Variants in PLEKHG4B observed in about 807,000 individuals in gnomAD.
The protein encoded by PLEKHG4B is pleckstrin homology and RhoGEF domain containing G4B.
PLEKHG4B carries 111 observed loss-of-function variants against 121.3 expected under a neutral mutation model. The ratio of observed to expected loss-of-function variants is 0.92; its 90% CI spans 0.78 to 1.07. The LOEUF is 1.07. PLEKHG4B is among the 50% of genes least tolerant of loss of function. The pLI, the probability that PLEKHG4B is intolerant of heterozygous loss-of-function variation, is 0.00. For synonymous variants in PLEKHG4B, 738 were observed against 725.0 expected (o/e 1.02, Z -0.29); for missense variants, 1,831 against 1,757.8 (o/e 1.04, Z -0.74).
In PLEKHG4B at chr5:140,507, G is replaced by A. The variant is rs151163016; in HGVS notation, c.1268G>A (p.Arg423Gln). 6.0e-4 allele frequency: 962 copies of A among 1,596,782 alleles called. 3 individuals carry two copies. The highest frequency in any genetic ancestry group is 7.7e-4 in the Non-Finnish European group (906 of 1,172,198). The change falls in exon 3 of 20, where the codon CGG becomes CAG. Residue 423 changes from arginine (R) to glutamine (Q), a missense_variant. Coordinates refer to ENST00000637938, the MANE Select transcript of PLEKHG4B (RefSeq NM_052909.5). Reference sequence around the variant, plus strand: ...GAGAAGGAGAGGCACACACCCAGCCGGACAGGTCCAGGAGCTGCAGGGCGG... The same window carrying A: ...GAGAAGGAGAGGCACACACCCAGCCAGACAGGTCCAGGAGCTGCAGGGCGG... ...SLEKERHTPS[R>Q]TGPGAAGRTL...
intron 11 of PLEKHG4B, among the ~76,000 whole-genome samples, chr5:160,073 T>C (rs1735941625): frequency 6.6e-6 from 1 of 152,234 alleles, no homozygotes. Context: ...CTGCTATGTA[T>C]AGGTGCACGT....
At chr5:98,743 G>T (rs1733703760) in intron 1 of PLEKHG4B, among the ~76,000 whole-genome samples, 1 of 147,672 alleles carries the variant, frequency 6.8e-6, no homozygotes, top group South Asian at 2.2e-4. Context: ...AAAGTGCTGG[G>T]ATTACAGGCG....
At chr5:162,161 A>G (rs1736031677) in intron 12 of PLEKHG4B, among the ~76,000 whole-genome samples, 1 of 152,356 alleles carries the variant, frequency 6.6e-6, no homozygotes, top group Middle Eastern at 3.4e-3. Context: ...CAGACCAGCC[A>G]AACGAACACA....
chr5:99,027 G>GCA (rs1482854216), intron 1 of PLEKHG4B, among the ~76,000 whole-genome samples: 2 of 145,608 alleles, frequency 1.4e-5, no homozygotes, highest in Admixed American at 6.8e-5. Context: ...GTGGTGCTGT[G>GCA]CACCTGTAAT....
At chr5:160,695 A>G (rs535362712) in intron 11 of PLEKHG4B, among the ~76,000 whole-genome samples, 2 of 152,208 alleles carry the variant, frequency 1.3e-5, no homozygotes, top group Admixed American at 1.3e-4. Context: ...TTTCTACCTT[A>G]AGTTATAGAA....
rs149661863 is a variant in PLEKHG4B, at chr5:143,418, C to T, written c.1726C>T (p.Arg576Cys). 72 of 1,612,870 alleles carry T rather than the reference C, an allele frequency of 4.5e-5. No homozygotes were observed. Among genetic ancestry groups the T allele is most frequent in the Admixed American group, 6.7e-5 (4 of 60,032 alleles). ...TCATGGCAGAGCAGTGGTGCAGGTC[C>T]GCACCAGGAGCCTGCTCTGGACCAG... ...DRHGRAVVQV[R>C]TRSLLWTREH... is the part of the protein sequence containing the mutation. Residue 576 changes from arginine (R) to cysteine (C), a missense_variant, in exon 5 of 20, where the codon CGC becomes TGC. By Grantham distance (180) the Arg-to-Cys change is radical (BLOSUM62 -3). Transcript: ENST00000637938.
chr5:101,941 GGA>G (rs1733830056), intron 1 of PLEKHG4B, among the ~76,000 whole-genome samples: 1 of 88,854 alleles, frequency 1.1e-5, no homozygotes, highest in Non-Finnish European at 2.1e-5. Context: ...AGTCTATAGG[GGA>G]GAGACTGTTG....
At position 169,479 on chromosome 5, in the gene PLEKHG4B, G is replaced by A. The variant is rs534776089; in HGVS notation, c.3616G>A (p.Val1206Ile). ...LPQGLRGKHH[V>I]IFGNLEKLHD... is the part of the protein sequence containing the mutation. ...CCAGGGCCTTCGAGGGAAGCACCAC[G>A]TTATTTTCGGCAACTTGGAGAAGCT... The change falls in exon 14 of 20, where the codon GTT becomes ATT. Residue 1206 changes from valine (V) to isoleucine (I), a missense_variant. Val to Ile is a conservative substitution (Grantham distance 29, BLOSUM62 3). Transcript: ENST00000637938. The A allele has an allele frequency of 4.3e-6, 7 of 1,614,244 alleles. No homozygotes were observed. In the South Asian group the frequency reaches 4.4e-5, roughly 10 times the overall value.
intron 18 of PLEKHG4B, among the ~76,000 whole-genome samples, chr5:180,516 C>T (rs1736898625): frequency 6.6e-6 from 1 of 152,236 alleles, no homozygotes; most frequent in Non-Finnish European, 1.5e-5. Flanking sequence ...TGTCAAGTTT[C>T]CAGTGGCCTG....
chr5:117,731 TA>T (rs1393392054), intron 2 of PLEKHG4B, among the ~76,000 whole-genome samples: 1 of 152,126 alleles, frequency 6.6e-6, no homozygotes, highest in Non-Finnish European at 1.5e-5. Context: ...CAGGTGCCTG[TA>T]GTCCCAGCTA....
chr5:129,283 A>G (rs1030471579), intron 2 of PLEKHG4B, among the ~76,000 whole-genome samples: 1 of 152,174 alleles, frequency 6.6e-6, no homozygotes, highest in Non-Finnish European at 1.5e-5. Flanking sequence ...AGCTTCATCT[A>G]CAGAACAAGA....
At position 184,126 on chromosome 5, in the gene PLEKHG4B, A is replaced by C. The variant is rs1733539391; in HGVS notation, c.*1803A>C. 2 of 152,168 alleles carry C rather than the reference A, an allele frequency of 1.3e-5. No individual in the cohort carries two copies. Among genetic ancestry groups the C allele is most frequent in the Admixed American group, 6.5e-5 (1 of 15,272 alleles). 9.4% of individuals were successfully genotyped at this position (152,168 alleles called of 1,614,324 possible). On this transcript the variant is annotated 3_prime_UTR_variant, in exon 20 of 20. Transcript: ENST00000637938. ...AGGCCATCCACAAGCTGGAGACCCA[A>C]GGAAGCTGCTAGTGTGCCCAGTCCG... is the stretch of plus-strand genomic sequence containing the variant.
At chr5:155,072 A>G (rs1735728473) in intron 8 of PLEKHG4B, 81 bp downstream of exon 8, 1 of 1,223,300 alleles carries the variant, frequency 8.2e-7, no homozygotes, top group Admixed American at 1.7e-5. Flanking sequence ...TAGAATTTGA[A>G]AAGGGCATCA....
chr5:168,611 C>A (rs970407580), intron 13 of PLEKHG4B, among the ~76,000 whole-genome samples: 1 of 152,176 alleles, frequency 6.6e-6, no homozygotes, highest in Non-Finnish European at 1.5e-5. Flanking sequence ...GAACGAGAAA[C>A]CTTATGTTCA....
intron 1 of PLEKHG4B, among the ~76,000 whole-genome samples, chr5:107,395 A>G (rs542089866): frequency 6.6e-6 from 1 of 152,330 alleles, no homozygotes; most frequent in East Asian, 1.9e-4. Flanking sequence ...TGTAAGTTGC[A>G]CGACGTTGCC....
rs1735766758 is a variant in PLEKHG4B, at chr5:156,049, T to A, written c.2209-22T>A. 2 of 1,553,762 alleles carry A rather than the reference T, an allele frequency of 1.3e-6. No homozygotes were observed. Among genetic ancestry groups the A allele is most frequent in the Non-Finnish European group, 1.7e-6 (2 of 1,147,770 alleles). On this transcript the variant is annotated intron_variant, in intron 9 of 19. Coordinates refer to ENST00000637938, the MANE Select transcript of PLEKHG4B (RefSeq NM_052909.5). This position sits in a 1 kb window ranked among gnomAD's most constrained non-coding sequence, Gnocchi z 4.4. ...CCCTTGGAGGAGGGAGTTAAAGGCT[T>A]ATTCCTCCCCATCCCGTGCAGGAAG...
chr5:145,038 G>C, intron 6 of PLEKHG4B, 118 bp downstream of exon 6: 1 of 930,812 alleles, frequency 1.1e-6, no homozygotes. Flanking sequence ...GTGAAGATTC[G>C]AGATGGGGGC....
Position 143,183 on chromosome 5 carries a change from C to G in PLEKHG4B, c.1614C>G (p.Phe538Leu). Residue 538 changes from phenylalanine to leucine, a missense_variant, in exon 4 of 20, where the codon TTC (phenylalanine) becomes TTG (leucine). Physicochemically the swap from Phe to Leu is conservative, Grantham distance 22. Transcript: ENST00000637938. The part of the protein sequence containing the change: ...QEGWPPGTGD[F>L]PSQVPKQVLD... ...GGTGGCCACCCGGCACAGGAGACTT[C>G]CCCAGCCAGGTGCCCAAGCAGGTGC... The G allele has an allele frequency of 2.5e-6, 4 of 1,611,846 alleles. No individual in the cohort carries two copies. The highest frequency in any genetic ancestry group is 3.4e-6 in the Non-Finnish European group (4 of 1,179,992).
At chr5:125,411 C>T (rs1172686673) in intron 2 of PLEKHG4B, among the ~76,000 whole-genome samples, 1 of 152,084 alleles carries the variant, frequency 6.6e-6, no homozygotes, top group African/African-American at 2.4e-5. Flanking sequence ...AAAGTTATAA[C>T]ACTAATTTGA....
Sources: gnomAD v4.1 joint callset for allele counts (sites outside exome capture counted in the v4.1 genomes callset) on GRCh38, gnomAD v4.1.1 for gene constraint, Gnocchi (gnomAD v3.1) non-coding constraint, MANE v1.5 for transcripts, NCBI Gene and HGNC (gene_info 2026-07-23, HGNC 2026-07-21) for gene names.